SHANK2: variants seen among roughly 807,000 people sequenced by gnomAD.
The protein encoded by SHANK2 is SH3 and multiple ankyrin repeat domains 2.
In SHANK2, 43 loss-of-function variants were observed where a neutral mutation model predicts 133.7. That is an observed-to-expected ratio of 0.32 (90% CI 0.25 to 0.41). The LOEUF (loss-of-function observed/expected upper bound fraction) is 0.41. Ranked by LOEUF, SHANK2 falls within the 10% of genes least tolerant of loss-of-function variation. SHANK2 has a pLI of 1.00. For synonymous variants in SHANK2, 1,017 were observed against 952.8 expected, an observed-to-expected ratio of 1.07 and a Z score of -1.24; for missense variants, 1,994 against 2,235.8, an observed-to-expected ratio of 0.89 and a Z score of 2.18.
rs371787003 is a variant in SHANK2 at position 70,831,922 on chromosome 11, G to A, written c.1175-11240C>T. Among the ~76,000 whole-genome samples the A allele has an allele frequency of 5.3e-4, 80 of 152,344 alleles. No individual in the cohort carries two copies. The East Asian group carries it at 0.01, about 20-fold the overall frequency. ...ATCATGCCCCCTGCAGCCATGGGCC[G>A]GTTGGACACCCCCTGACCCTCAGTT... is the stretch of plus-strand genomic sequence containing the variant. On this transcript the variant is annotated intron_variant, in intron 11 of 25. Transcript: ENST00000601538.
In SHANK2 at chr11:70,661,817, G is replaced by A. The variant is rs781951421; in HGVS notation, c.1854-139C>T. ...CAGATCCAGGCAGCATGGAGGAAAG[G>A]AGGCAGCGAGGGTGCAGGAGGAGCG... On this transcript the variant is annotated intron_variant, in intron 15 of 25. Coordinates refer to ENST00000601538, the MANE Select transcript of SHANK2 (RefSeq NM_012309.5). 3 of 1,610,640 alleles carry A rather than the reference G, an allele frequency of 1.9e-6. No individual in the cohort carries two copies. The South Asian group carries it at 3.3e-5, about 18-fold the overall frequency.
At chr11:70,831,650 C>G (rs1197281289) in intron 11 of SHANK2, among the ~76,000 whole-genome samples, 1 of 152,260 alleles carries the variant, frequency 6.6e-6, no homozygotes, top group Admixed American at 6.5e-5. Context: ...AATAATTTCA[C>G]TTCTTGCATA....
At chr11:71,132,518 C>A (rs1952336550) in intron 3 of SHANK2, among the ~76,000 whole-genome samples, 1 of 152,162 alleles carries the variant, frequency 6.6e-6, no homozygotes, top group African/African-American at 2.4e-5. Context: ...TTTAAGTAGG[C>A]ATTAACTCTA....
intron 17 of SHANK2, among the ~76,000 whole-genome samples, chr11:70,553,643 C>T (rs1312712202): frequency 6.6e-6 from 1 of 152,156 alleles, no homozygotes. Flanking sequence ...GCCTGGCACC[C>T]GGGCTCTTTC....
intron 8 of SHANK2, among the ~76,000 whole-genome samples, chr11:71,087,954 C>T (rs940571943): frequency 1.2e-4 from 19 of 152,248 alleles, no homozygotes; most frequent in African/African-American, 2.4e-4. Context: ...TACAAAGAGA[C>T]GCCTCTGTCC....
At chr11:70,842,965 C>T (rs782351862) in intron 11 of SHANK2, among the ~76,000 whole-genome samples, 11 of 152,238 alleles carry the variant, frequency 7.2e-5, no homozygotes, top group East Asian at 1.9e-4. Context: ...ACTACCCTGA[C>T]GCAGTGTCAT....
At chr11:70,920,502 T>C (rs549613360) in intron 10 of SHANK2, among the ~76,000 whole-genome samples, 1 of 152,326 alleles carries the variant, frequency 6.6e-6, no homozygotes, top group Admixed American at 6.5e-5. Context: ...GACTTTAAAA[T>C]GCAAATATTC....
intron 14 of SHANK2, among the ~76,000 whole-genome samples, chr11:70,765,222 A>C (rs1169431393): frequency 1.3e-5 from 2 of 152,186 alleles, no homozygotes; most frequent in African/African-American, 4.8e-5. Flanking sequence ...GGCCGCCTCC[A>C]AAGATATGCA....
In SHANK2 at chr11:70,622,941, C is replaced by T. The variant is rs113598080; in HGVS notation, c.2061+36887G>A. ...CCTGTAATCCCAGCACTTTGGGAGG[C>T]CGAGGCGGGTGGATCACCTGAGGTC... is the stretch of plus-strand genomic sequence containing the variant. On this transcript the variant is annotated intron_variant, in intron 17 of 25. Transcript: ENST00000601538. 1.5e-3 allele frequency among the ~76,000 whole-genome samples: 233 copies of T among 152,246 alleles called. 1 individual carries two copies. The highest frequency in any genetic ancestry group is 5.4e-3 in the African/African-American group (224 of 41,550).
At chr11:71,139,258 G>A (rs1390531642) in intron 3 of SHANK2, among the ~76,000 whole-genome samples, 1 of 150,876 alleles carries the variant, frequency 6.6e-6, no homozygotes, top group East Asian at 2.0e-4. Context: ...CGGGGCCGAC[G>A]TAGACACCCC....
At chr11:70,826,579 G>A (rs1445999468) in intron 11 of SHANK2, 2 of 470,228 alleles carry the variant, frequency 4.3e-6, no homozygotes, top group East Asian at 1.4e-4. Flanking sequence ...CGTGCAGCCC[G>A]GCCCCTCGGT....
intron 14 of SHANK2, among the ~76,000 whole-genome samples, chr11:70,781,402 C>T (rs1300409144): frequency 3.3e-5 from 5 of 151,054 alleles, no homozygotes. Flanking sequence ...CTCTGAAGCT[C>T]CCCCAACCCA....
intron 7 of SHANK2, 49 bp downstream of exon 7, chr11:71,094,488 C>A (rs556851353): frequency 1.3e-6 from 2 of 1,521,882 alleles, no homozygotes; most frequent in Non-Finnish European, 1.8e-6. Context: ...GGCAGCCGCA[C>A]GGAATCAGAG....
intron 14 of SHANK2, among the ~76,000 whole-genome samples, chr11:70,775,333 G>A (rs1039313526): frequency 1.3e-5 from 2 of 152,150 alleles, no homozygotes; most frequent in South Asian, 2.1e-4. Flanking sequence ...GCACGTGTTT[G>A]TAATCCCAGC....
intron 14 of SHANK2, among the ~76,000 whole-genome samples, chr11:70,756,525 TCCCTCCAG>T (rs1253368005): frequency 6.6e-6 from 1 of 152,018 alleles, no homozygotes; most frequent in Non-Finnish European, 1.5e-5. Context: ...GCACGCTCCT[TCCCTCCAG>T]CTGTGTGGGC....
chr11:71,090,863 T>C (rs368082775), intron 8 of SHANK2, among the ~76,000 whole-genome samples: 38 of 152,220 alleles, frequency 2.5e-4, no homozygotes, highest in African/African-American at 8.2e-4. Context: ...AGTCTTTTTC[T>C]GGCAGAATTC....
chr11:70,485,151 G>A lies in SHANK2; in HGVS notation c.4979+163C>T, dbSNP rs1364422755. On this transcript the variant is annotated intron_variant, in intron 25 of 25. Coordinates refer to ENST00000601538, the MANE Select transcript of SHANK2 (RefSeq NM_012309.5). This position sits in a 1 kb window ranked among gnomAD's most constrained non-coding sequence, Gnocchi z 5.8. ...ATTACTCGGCTATCCCGGAGTCCAG[G>A]AGCATGAGAAAAAGAAGTGTTACTG... Among the ~76,000 whole-genome samples, 7 of 152,178 alleles carry A rather than the reference G, an allele frequency of 4.6e-5. No homozygotes were observed. The highest frequency in any genetic ancestry group is 1.7e-4 in the African/African-American group (7 of 41,450).
chr11:70,540,132 G>A (rs2059600071), intron 17 of SHANK2, among the ~76,000 whole-genome samples: 1 of 152,148 alleles, frequency 6.6e-6, no homozygotes, highest in African/African-American at 2.4e-5. Flanking sequence ...TTCCAAGCAA[G>A]ACCTCACTCT....
At position 70,846,319 on chromosome 11, in the gene SHANK2, A is replaced by C. The variant is rs530431937; in HGVS notation, c.1175-25637T>G. Among the ~76,000 whole-genome samples, 52 of 152,264 alleles carry C rather than the reference A, an allele frequency of 3.4e-4. No individual in the cohort carries two copies. The South Asian group carries it at 0.01, about 30-fold the overall frequency. Reference sequence around the variant, plus strand: ...CGCTCGGTCGCTCAGGCTGATATGCAGTGGTGCGGTCTCAGCTCACTGCAG... The same window carrying C: ...CGCTCGGTCGCTCAGGCTGATATGCCGTGGTGCGGTCTCAGCTCACTGCAG... On this transcript the variant is annotated intron_variant, in intron 11 of 25. Coordinates refer to ENST00000601538, the MANE Select transcript of SHANK2 (RefSeq NM_012309.5).
Sources: allele counts gnomAD v4.1 joint callset (sites outside exome capture counted in the v4.1 genomes callset), GRCh38; gene constraint gnomAD v4.1.1; non-coding constraint Gnocchi (gnomAD v3.1); transcripts MANE v1.5; gene names NCBI Gene and HGNC (gene_info 2026-07-23, HGNC 2026-07-21).